Variants in DCAF8L2 observed in about 807,000 individuals in gnomAD.
DCAF8L2 encodes DDB1- and CUL4-associated factor 8-like protein 2.
For missense variants in DCAF8L2, 430 were observed against 490.7 expected (o/e 0.88, Z 1.17); for synonymous variants, 200 against 190.9 (o/e 1.05, Z -0.39).
chrX:27,741,021 G>A (rs1301189570), intron 4 of DCAF8L2, among the ~76,000 whole-genome samples: 2 of 111,648 alleles, frequency 1.8e-5, no homozygotes, highest in Admixed American at 9.5e-5. Flanking sequence ...ATAAATGCAC[G>A]GTGGATTAAT....
chrX:27,577,906 A>G, the DCAF8L2 span, among the ~76,000 whole-genome samples: 1 of 111,973 alleles, frequency 8.9e-6, no homozygotes, highest in Admixed American at 9.5e-5. Flanking sequence ...GAGAGGACTC[A>G]AGTAAATGGA....
chrX:27,510,828 C>T, the DCAF8L2 span, among the ~76,000 whole-genome samples: 1 of 110,971 alleles, frequency 9.0e-6, no homozygotes, highest in Admixed American at 9.7e-5. Context: ...GGGTCAGGGC[C>T]TAATACTTTG....
chrX:27,748,670 G>T lies in DCAF8L2; in HGVS notation c.1775G>T (p.Arg592Leu). The part of the protein sequence containing the change: ...FLLRHVTQRG[R>L]HQDWRSGEAE... ...CTGCGTCACGTGACGCAGAGAGGTC[G>T]TCACCAGGACTGGAGAAGTGGTGAA... Residue 592 changes from arginine to leucine, a missense_variant, in exon 5 of 5, where the codon CGT (arginine) becomes CTT (leucine). Arg to Leu is a moderately radical substitution (Grantham distance 102). Coordinates refer to ENST00000451261, the MANE Select transcript of DCAF8L2 (RefSeq NM_001353450.2). The T allele has an allele frequency of 8.4e-7, 1 of 1,195,585 alleles. No homozygotes were observed. Among genetic ancestry groups the T allele is most frequent in the Non-Finnish European group, 1.1e-6 (1 of 886,342 alleles).
intron 2 of DCAF8L2, among the ~76,000 whole-genome samples, chrX:27,652,895 A>G (rs1476293348): frequency 1.8e-5 from 2 of 112,358 alleles, no homozygotes; most frequent in African/African-American, 6.5e-5. Context: ...TACAACCATC[A>G]TAAAAATGTT....
chrX:27,672,627 T>A (rs1165414622), intron 2 of DCAF8L2, among the ~76,000 whole-genome samples: 1 of 112,066 alleles, frequency 8.9e-6, no homozygotes, highest in Non-Finnish European at 1.9e-5. Context: ...CTACTGCCAG[T>A]TAATCACTTT....
At chrX:27,515,746 G>A in the DCAF8L2 span, among the ~76,000 whole-genome samples, 5 of 111,606 alleles carry the variant, frequency 4.5e-5, no homozygotes, top group East Asian at 1.1e-3. Flanking sequence ...TGAAAGTTCA[G>A]GTTTTTATGT....
At chrX:27,672,695 G>C (rs1465795761) in intron 2 of DCAF8L2, among the ~76,000 whole-genome samples, 1 of 112,029 alleles carries the variant, frequency 8.9e-6, no homozygotes, top group Non-Finnish European at 1.9e-5. Flanking sequence ...AGTTATTTCT[G>C]ACTAATGCAG....
intron 2 of DCAF8L2, among the ~76,000 whole-genome samples, chrX:27,670,921 T>C (rs1255420566): frequency 2.7e-5 from 3 of 112,135 alleles, no homozygotes; most frequent in Admixed American, 1.9e-4. Flanking sequence ...GCCATGCTTC[T>C]TGTATAGTCT....
chrX:27,486,011 A>AT, the DCAF8L2 span, among the ~76,000 whole-genome samples: 2,506 of 81,681 alleles, frequency 0.031, 105 homozygotes, highest in African/African-American at 0.1. Flanking sequence ...TCCACTCTAG[A>AT]TTTTTTTTTT....
intron 2 of DCAF8L2, chrX:27,677,160 T>C (rs1357744268): frequency 3.6e-5 from 4 of 111,681 alleles, no homozygotes; most frequent in African/African-American, 1.3e-4. Flanking sequence ...TGGCTTGCTC[T>C]TCTCTGATAA....
At chrX:27,664,644 C>T (rs1929676993) in intron 2 of DCAF8L2, among the ~76,000 whole-genome samples, 1 of 111,907 alleles carries the variant, frequency 8.9e-6, no homozygotes, top group African/African-American at 3.2e-5. Context: ...CATTGATAGC[C>T]AGAGAGAATA....
chrX:27,537,964 A>G, the DCAF8L2 span, among the ~76,000 whole-genome samples: 1,047 of 111,944 alleles, frequency 9.4e-3, 10 homozygotes, highest in Middle Eastern at 0.032. Flanking sequence ...CTTTGCTCAA[A>G]TATAATAATA....
intron 1 of DCAF8L2, among the ~76,000 whole-genome samples, chrX:27,631,340 C>G (rs931898524): frequency 9.0e-6 from 1 of 111,381 alleles, no homozygotes; most frequent in Non-Finnish European, 1.9e-5. Context: ...AGGAAGAAGA[C>G]AAGGATGCCA....
intron 3 of DCAF8L2, among the ~76,000 whole-genome samples, chrX:27,682,960 A>G (rs1445795588): frequency 1.8e-5 from 2 of 110,728 alleles, no homozygotes; most frequent in South Asian, 3.8e-4. Context: ...GCTGGCAACT[A>G]TTACAATGAT....
intron 4 of DCAF8L2, among the ~76,000 whole-genome samples, chrX:27,733,077 T>C (rs1969018750): frequency 9.0e-6 from 1 of 110,956 alleles, no homozygotes; most frequent in African/African-American, 3.3e-5. Flanking sequence ...CAGGATGGTC[T>C]CGATCTCCTG....
At chrX:27,632,965 A>G (rs1485291590) in intron 2 of DCAF8L2, 1 of 112,058 alleles carries the variant, frequency 8.9e-6, no homozygotes, top group Non-Finnish European at 1.9e-5. Context: ...GTCCTAACAT[A>G]CAATAAACAC....
At position 27,748,650 on chromosome X, in the gene DCAF8L2, T is replaced by A; in HGVS notation, c.1755T>A (p.Arg585=). 8.3e-7 allele frequency: 1 copy of A among 1,198,864 alleles called. No homozygotes were observed. The part of the protein sequence containing the change: ...FDQYMLWFLL[R]HVTQRGRHQD... ...AGTACATGCTTTGGTTCCTCCTGCG[T>A]CACGTGACGCAGAGAGGTCGTCACC... The change falls in exon 5 of 5, where the codon CGT becomes CGA. Residue 585 remains arginine, a synonymous_variant. Transcript: ENST00000451261.
the DCAF8L2 span, among the ~76,000 whole-genome samples, chrX:27,550,450 G>A: frequency 9.0e-6 from 1 of 110,675 alleles, no homozygotes; most frequent in East Asian, 2.8e-4. Context: ...TCTCACCTCA[G>A]CCTCCAAAGT....
At chrX:27,568,977 ACACACAC>A in the DCAF8L2 span, among the ~76,000 whole-genome samples, 1 of 105,911 alleles carries the variant, frequency 9.4e-6, no homozygotes, top group African/African-American at 3.4e-5. Flanking sequence ...ACACACACAC[ACACACAC>A]ACACACACAC....
Sources: gnomAD v4.1 joint callset for allele counts (sites outside exome capture counted in the v4.1 genomes callset) on GRCh38, gnomAD v4.1.1 for gene constraint, MANE v1.5 for transcripts, NCBI Gene and HGNC (gene_info 2026-07-23, HGNC 2026-07-21) for gene names.